PTPRT: variants seen among roughly 807,000 people sequenced by gnomAD.
PTPRT encodes receptor-type tyrosine-protein phosphatase T.
In PTPRT, 56 loss-of-function variants were observed where a neutral mutation model predicts 176.8. The ratio of observed to expected loss-of-function variants is 0.32; its 90% CI spans 0.26 to 0.40. The LOEUF is 0.40. PTPRT is among the 10% of genes least tolerant of loss of function. The probability of loss-of-function intolerance (pLI) is 1.00; values close to 1 mark genes in which losing one functional copy is unlikely to be tolerated. For synonymous variants in PTPRT, 783 were observed against 739.0 expected (o/e 1.06, Z -0.96); for missense variants, 1,540 against 1,908.2 (o/e 0.81, Z 3.60).
intron 9 of PTPRT, among the ~76,000 whole-genome samples, chr20:42,406,007 T>G (rs1357647895): frequency 6.6e-6 from 1 of 152,128 alleles, no homozygotes; most frequent in Non-Finnish European, 1.5e-5. Flanking sequence ...GAGATCCAAA[T>G]GTAAATTATA....
intron 9 of PTPRT, among the ~76,000 whole-genome samples, chr20:42,391,461 C>G (rs1403390038): frequency 6.6e-6 from 1 of 152,132 alleles, no homozygotes; most frequent in Non-Finnish European, 1.5e-5. Context: ...GTCCTGGCGG[C>G]CAAACTTAGT....
intron 8 of PTPRT, among the ~76,000 whole-genome samples, chr20:42,456,559 T>A (rs1390327647): frequency 1.3e-5 from 2 of 152,078 alleles, no homozygotes; most frequent in Non-Finnish European, 2.9e-5. Flanking sequence ...TTTTGTTTTT[T>A]AAATCATGCT....
intron 6 of PTPRT, among the ~76,000 whole-genome samples, chr20:42,738,345 C>A (rs2076566456): frequency 6.6e-6 from 1 of 151,990 alleles, no homozygotes; most frequent in Non-Finnish European, 1.5e-5. Flanking sequence ...AACTGAGTCT[C>A]TACTAAAAAT....
chr20:42,603,623 A>C (rs1258858101), intron 7 of PTPRT, among the ~76,000 whole-genome samples: 4 of 152,186 alleles, frequency 2.6e-5, no homozygotes, highest in Non-Finnish European at 5.9e-5. Context: ...TTAAGTAGGG[A>C]ACTGGCATGA....
chr20:42,387,822 C>T (rs1436325931), intron 9 of PTPRT, among the ~76,000 whole-genome samples: 1 of 145,916 alleles, frequency 6.9e-6, no homozygotes, highest in African/African-American at 2.6e-5. Context: ...GATGAAGTCT[C>T]GCCCTGTCGC....
intron 1 of PTPRT, among the ~76,000 whole-genome samples, chr20:42,953,158 T>G (rs2146021387): frequency 6.6e-6 from 1 of 152,270 alleles, no homozygotes; most frequent in Admixed American, 6.5e-5. Flanking sequence ...AAACCAAATC[T>G]AAACTAAATG....
intron 6 of PTPRT, among the ~76,000 whole-genome samples, chr20:42,682,622 C>T (rs182892869): frequency 6.6e-6 from 1 of 152,196 alleles, no homozygotes; most frequent in South Asian, 2.1e-4. Flanking sequence ...AGGAGGAAGT[C>T]TTGCCTTCAT....
At chr20:42,787,661 C>A (rs2077310933) in intron 3 of PTPRT, among the ~76,000 whole-genome samples, 1 of 152,238 alleles carries the variant, frequency 6.6e-6, no homozygotes, top group Non-Finnish European at 1.5e-5. Flanking sequence ...GTTCACGCAA[C>A]TGTGCAGGTA....
intron 9 of PTPRT, among the ~76,000 whole-genome samples, chr20:42,397,394 G>A (rs1483886024): frequency 6.6e-6 from 1 of 152,188 alleles, no homozygotes; most frequent in African/African-American, 2.4e-5. Context: ...CAATGAATCT[G>A]TCACCCAGGT....
intron 1 of PTPRT, among the ~76,000 whole-genome samples, chr20:42,951,687 G>A (rs926678718): frequency 2.6e-5 from 4 of 152,172 alleles, no homozygotes; most frequent in African/African-American, 9.7e-5. Flanking sequence ...TGATCCAGGT[G>A]AGAGCTGATG....
intron 1 of PTPRT, among the ~76,000 whole-genome samples, chr20:43,175,081 C>T (rs149861225): frequency 1.3e-5 from 2 of 152,366 alleles, no homozygotes; most frequent in Admixed American, 1.3e-4. Context: ...GCCTTTCTGA[C>T]GCCTCAGGCA....
In PTPRT at chr20:42,106,748, C is replaced by T. The variant is rs758668499; in HGVS notation, c.3390+38G>A. 5 of 1,603,140 alleles carry T rather than the reference C, an allele frequency of 3.1e-6. No homozygotes were observed. The South Asian group carries it at 4.5e-5, about 14-fold the overall frequency. Reference sequence around the variant, plus strand: ...TCATCATGTTTCTCCTTGGTCAGGGCTACAGGTGGCCAACTGTCTTGGCCC... The same window carrying T: ...TCATCATGTTTCTCCTTGGTCAGGGTTACAGGTGGCCAACTGTCTTGGCCC... On this transcript the variant is annotated intron_variant, in intron 24 of 30. Coordinates refer to ENST00000373187, the MANE Select transcript of PTPRT (RefSeq NM_007050.6).
chr20:43,080,649 T>C (rs2011415446), intron 1 of PTPRT, among the ~76,000 whole-genome samples: 1 of 152,230 alleles, frequency 6.6e-6, no homozygotes, highest in Non-Finnish European at 1.5e-5. Context: ...GCCCAGCCTG[T>C]AGCTACACTC....
chr20:43,028,518 C>T lies in PTPRT; in HGVS notation c.89-142586G>A, dbSNP rs1986011390. 3.3e-5 allele frequency among the ~76,000 whole-genome samples: 5 copies of T among 152,200 alleles called. No homozygotes were observed. In the South Asian group the frequency reaches 1.0e-3, roughly 31 times the overall value. ...CATCTTAGGGAACTGAATGCTACTA[C>T]AAAGTAGATCCCCTTTTAAAATGAC... On this transcript the variant is annotated intron_variant, in intron 1 of 30. Transcript: ENST00000373187.
chr20:42,437,470 G>T (rs910422399), intron 9 of PTPRT, among the ~76,000 whole-genome samples: 1 of 152,140 alleles, frequency 6.6e-6, no homozygotes, highest in Non-Finnish European at 1.5e-5. Flanking sequence ...CGATACACAC[G>T]TTAAAAACGT....
At chr20:42,712,876 C>T (rs903133435) in intron 6 of PTPRT, among the ~76,000 whole-genome samples, 18 of 152,188 alleles carry the variant, frequency 1.2e-4, no homozygotes, top group Admixed American at 1.0e-3. Context: ...TGAAAGCAAT[C>T]CAAATGCCCA....
At chr20:42,675,641 T>C (rs1396098986) in intron 7 of PTPRT, among the ~76,000 whole-genome samples, 5 of 152,242 alleles carry the variant, frequency 3.3e-5, no homozygotes, top group Admixed American at 3.3e-4. Flanking sequence ...ATGTCATTAA[T>C]ACTGTGAAAT....
chr20:42,642,369 G>A (rs1031885266), intron 7 of PTPRT, among the ~76,000 whole-genome samples: 13 of 152,126 alleles, frequency 8.5e-5, no homozygotes, highest in East Asian at 1.9e-4. Context: ...GTTGTGGGAC[G>A]TTGACAGAGT....
chr20:42,330,158 T>A (rs2057947386), intron 11 of PTPRT, among the ~76,000 whole-genome samples: 1 of 152,208 alleles, frequency 6.6e-6, no homozygotes. Context: ...CAGTAATGTA[T>A]AAAAGATATT....
Sources: gnomAD v4.1 joint callset for allele counts (sites outside exome capture counted in the v4.1 genomes callset) on GRCh38, gnomAD v4.1.1 for gene constraint, MANE v1.5 for transcripts, NCBI Gene and HGNC (gene_info 2026-07-23, HGNC 2026-07-21) for gene names.